Variants in KCNJ10 observed in about 807,000 individuals in gnomAD.
The protein encoded by KCNJ10 is ATP-sensitive inward rectifier potassium channel 10.
Under a neutral mutation model 22.2 loss-of-function variants are expected in KCNJ10, and 9 were observed. That is an observed-to-expected ratio of 0.40 (90% confidence interval 0.24 to 0.71). The LOEUF (loss-of-function observed/expected upper bound fraction) is 0.71. KCNJ10 is among the 30% of genes least tolerant of loss of function. The pLI, the probability that KCNJ10 is intolerant of heterozygous loss-of-function variation, is 0.35. For missense variants in KCNJ10, 337 were observed against 482.7 expected (o/e 0.70, Z 2.83); for synonymous variants, 184 against 187.3 (o/e 0.98, Z 0.15).
intron 1 of KCNJ10, among the ~76,000 whole-genome samples, chr1:160,055,680 T>G (rs928270820): frequency 1.3e-5 from 2 of 152,198 alleles, no homozygotes; most frequent in Non-Finnish European, 2.9e-5. Context: ...ACACTACATG[T>G]GTGCACAGTC....
Position 160,040,707 on chromosome 1 carries a change from T to G in KCNJ10, c.*686A>C, listed in dbSNP as rs1312231898. ...TGGGTGGTTATATGTTTATGTTTCT[T>G]GGGCCAACTCCAATTCTCTGAGAAC... On this transcript the variant is annotated 3_prime_UTR_variant, in exon 2 of 2. Coordinates refer to ENST00000644903, the MANE Select transcript of KCNJ10 (RefSeq NM_002241.5). 2 of 398,216 alleles carry G rather than the reference T, an allele frequency of 5.0e-6. No individual in the cohort carries two copies. The highest frequency in any genetic ancestry group is 8.8e-6 in the Non-Finnish European group (2 of 226,264). 24.7% of individuals were successfully genotyped at this position (398,216 alleles called of 1,614,324 possible).
chr1:160,049,677 A>ATTTATT (rs72451655), intron 1 of KCNJ10, among the ~76,000 whole-genome samples: 21 of 31,596 alleles, frequency 6.6e-4, no homozygotes, highest in South Asian at 2.9e-3. Flanking sequence ...TTATTTATTT[A>ATTTATT]TATATATATA....
rs1343357558 is a variant in KCNJ10 at position 160,038,063 on chromosome 1, G to A, written c.*3330C>T. On this transcript the variant is annotated 3_prime_UTR_variant, in exon 2 of 2. Coordinates refer to ENST00000644903, the MANE Select transcript of KCNJ10 (RefSeq NM_002241.5). ...TGCTTGCAGCCACACAAAAGGCTGG[G>A]CCTTGACCTTGGGAGATCTTCAGCC... The A allele has an allele frequency of 6.6e-6, 1 of 152,212 alleles. No individual in the cohort carries two copies. The highest frequency in any genetic ancestry group is 1.5e-5 in the Non-Finnish European group (1 of 68,038). 9.4% of individuals were successfully genotyped at this position (152,212 alleles called of 1,614,324 possible). A position where few individuals can be genotyped will look rare whatever the true frequency, so the allele number is the denominator to read the frequency against.
Position 160,041,431 on chromosome 1 carries a change from C to G in KCNJ10, c.1102G>C (p.Glu368Gln), listed in dbSNP as rs377330985. The G allele has an allele frequency of 2.6e-5, 42 of 1,613,892 alleles. No individual in the cohort carries two copies. In the African/African-American group the frequency reaches 3.3e-4, roughly 13 times the overall value. ...ATGCGCACACTAAGGGCACTGCCCT[C>G]CTTCTCAGCTTGCTCCCTTAATGAC... is the stretch of plus-strand genomic sequence containing the variant. ...EESLREQAEKEGSALSVRISN... is the reference protein window; with the variant it reads ...EESLREQAEKQGSALSVRISN... The change falls in exon 2 of 2, where the codon GAG becomes CAG. Residue 368 changes from glutamate (E) to glutamine (Q), a missense_variant. Transcript: ENST00000644903. This position sits in a 1 kb window ranked among gnomAD's most constrained non-coding sequence, Gnocchi z 4.4.
At chr1:160,069,611 G>A (rs1649403470) in intron 1 of KCNJ10, among the ~76,000 whole-genome samples, 1 of 152,168 alleles carries the variant, frequency 6.6e-6, no homozygotes, top group South Asian at 2.1e-4. Context: ...TCACTGTATG[G>A]GGAGTGGGGG....
At chr1:160,052,740 G>A in intron 1 of KCNJ10, among the ~76,000 whole-genome samples, 1 of 152,188 alleles carries the variant, frequency 6.6e-6, no homozygotes, top group East Asian at 1.9e-4. Context: ...GACTAGCTGT[G>A]ACCTCAGTCA....
In KCNJ10 at chr1:160,040,309, T is replaced by G; in HGVS notation, c.*1084A>C. Reference sequence around the variant, plus strand: ...AATTTACCCATCCCTCATGGTGGGATTGTGTTAACTTTCTGGGGAATCTGT... The same window carrying G: ...AATTTACCCATCCCTCATGGTGGGAGTGTGTTAACTTTCTGGGGAATCTGT... On this transcript the variant is annotated 3_prime_UTR_variant, in exon 2 of 2. Coordinates refer to ENST00000644903, the MANE Select transcript of KCNJ10 (RefSeq NM_002241.5). 8.0e-6 allele frequency: 3 copies of G among 374,338 alleles called. No homozygotes were observed. Among genetic ancestry groups the G allele is most frequent in the African/African-American group, 2.1e-5 (1 of 48,242 alleles). The allele number at this position is 374,338 out of a possible 1,614,324, so 23.2% of individuals were successfully genotyped here.
Position 160,039,902 on chromosome 1 carries a change from TC to T in KCNJ10, c.*1490del, listed in dbSNP as rs1648564735. The T allele has an allele frequency of 6.6e-6, 1 of 152,220 alleles. No homozygotes were observed. The highest frequency in any genetic ancestry group is 6.5e-5 in the Admixed American group (1 of 15,276). The allele number at this position is 152,220 out of a possible 1,614,324, so 9.4% of individuals were successfully genotyped here. ...AGGGATTTGGGGCTTTGGATAAAGC[TC>T]TGGTGCCTATATGCCCTTCCCTGAC... is the stretch of plus-strand genomic sequence containing the variant. On this transcript the variant is annotated 3_prime_UTR_variant, in exon 2 of 2. Coordinates refer to ENST00000644903, the MANE Select transcript of KCNJ10 (RefSeq NM_002241.5).
intron 1 of KCNJ10, among the ~76,000 whole-genome samples, chr1:160,050,433 T>G (rs1162729475): frequency 6.6e-6 from 1 of 151,924 alleles, no homozygotes; most frequent in Non-Finnish European, 1.5e-5. Flanking sequence ...ATGCCCAGCC[T>G]CAGTAAACAT....
Position 160,041,780 on chromosome 1 carries a change from T to C in KCNJ10, c.753A>G (p.Leu251=), listed in dbSNP as rs2101924765. 1 of 1,613,946 alleles carries C rather than the reference T, an allele frequency of 6.2e-7. No individual in the cohort carries two copies. The highest frequency in any genetic ancestry group is 1.1e-5 in the South Asian group (1 of 91,070). ...CTACCACATGATAGAAGGTAAGGGGTAGAATAAGGAAGGGGCTGTCAGAGG... is the reference window on the plus strand; with the variant it reads ...CTACCACATGATAGAAGGTAAGGGGCAGAATAAGGAAGGGGCTGTCAGAGG... ...DTASDSPFLI[L]PLTFYHVVDE... is the part of the protein sequence containing the mutation. Residue 251 remains leucine (L), a synonymous_variant, in exon 2 of 2, where the codon CTA becomes CTG. Coordinates refer to ENST00000644903, the MANE Select transcript of KCNJ10 (RefSeq NM_002241.5). This position sits in a 1 kb window ranked among gnomAD's most constrained non-coding sequence, Gnocchi z 4.4.
rs997287643 is a variant in KCNJ10 at position 160,042,103 on chromosome 1, T to C, written c.430A>G (p.Ile144Val). ...ACCAGCTGGGCAATAAGAAGCACAATGGCCAGTGGACATTCCTCACTGATG... is the reference window on the plus strand; with the variant it reads ...ACCAGCTGGGCAATAAGAAGCACAACGGCCAGTGGACATTCCTCACTGATG... ...RYISEECPLAIVLLIAQLVLT... is the reference protein window; with the variant it reads ...RYISEECPLAVVLLIAQLVLT... Residue 144 changes from isoleucine to valine, a missense_variant, in exon 2 of 2, where the codon ATT (isoleucine) becomes GTT (valine). Around this residue, in one of 3 missense-constraint regions of KCNJ10, gnomAD observed 165 missense variants for 281.5 expected, o/e 0.59. Coordinates refer to ENST00000644903, the MANE Select transcript of KCNJ10 (RefSeq NM_002241.5). 3.9e-6 allele frequency: 6 copies of C among 1,553,374 alleles called. No homozygotes were observed. The highest frequency in any genetic ancestry group is 5.2e-6 in the Non-Finnish European group (6 of 1,149,910).
chr1:160,063,223 C>A (rs1360491072), intron 1 of KCNJ10, among the ~76,000 whole-genome samples: 1 of 152,194 alleles, frequency 6.6e-6, no homozygotes, highest in Non-Finnish European at 1.5e-5. Context: ...CCATGTTGTG[C>A]CTTGTGGTGC....
chr1:160,052,961 G>C (rs1418341267), intron 1 of KCNJ10, among the ~76,000 whole-genome samples: 1 of 152,220 alleles, frequency 6.6e-6, no homozygotes, highest in African/African-American at 2.4e-5. Context: ...GTACAATGAA[G>C]TAGAATAAAC....
intron 1 of KCNJ10, among the ~76,000 whole-genome samples, chr1:160,047,698 C>CT (rs758185808): frequency 1.3e-5 from 2 of 152,206 alleles, no homozygotes; most frequent in Non-Finnish European, 2.9e-5. Flanking sequence ...AATGGGTTTA[C>CT]TTTACTATGC....
intron 1 of KCNJ10, among the ~76,000 whole-genome samples, chr1:160,065,278 CT>C (rs780675757): frequency 2.6e-5 from 4 of 152,280 alleles, no homozygotes; most frequent in Non-Finnish European, 5.9e-5. Flanking sequence ...CAAAGTCAGG[CT>C]CCTTCCCCAA....
At chr1:160,053,684 C>G (rs1286267889) in intron 1 of KCNJ10, among the ~76,000 whole-genome samples, 1 of 152,006 alleles carries the variant, frequency 6.6e-6, no homozygotes, top group Non-Finnish European at 1.5e-5. Context: ...TCTCCCACTC[C>G]CTGGTCTCCT....
chr1:160,057,342 C>T (rs141427249), intron 1 of KCNJ10, among the ~76,000 whole-genome samples: 1 of 152,332 alleles, frequency 6.6e-6, no homozygotes, highest in East Asian at 1.9e-4. Context: ...CCTCTCCACA[C>T]CCCAGTGGCC....
chr1:160,060,900 A>T (rs777344509), intron 1 of KCNJ10, among the ~76,000 whole-genome samples: 3 of 152,230 alleles, frequency 2.0e-5, no homozygotes, highest in Non-Finnish European at 4.4e-5. Flanking sequence ...CCTAGCTAAG[A>T]AGGCTGTGGG....
chr1:160,043,269 TAA>T (rs200572825), intron 1 of KCNJ10, among the ~76,000 whole-genome samples: 13,781 of 52,076 alleles, frequency 0.26, 842 homozygotes, highest in Admixed American at 0.35. Flanking sequence ...CAATCCCCCT[TAA>T]AACACACACA....
Sources: gnomAD v4.1 joint callset for allele counts (sites outside exome capture counted in the v4.1 genomes callset) on GRCh38, gnomAD v4.1.1 for gene constraint, gnomAD v4.1.1 regional missense constraint, Gnocchi (gnomAD v3.1) non-coding constraint, MANE v1.5 for transcripts, NCBI Gene and HGNC (gene_info 2026-07-23, HGNC 2026-07-21) for gene names.